The following KCNQ3 variants were observed in gnomAD, a reference collection of about 807,000 sequenced individuals.
KCNQ3 encodes the protein potassium voltage-gated channel subfamily KQT member 3.
KCNQ3 carries 30 observed loss-of-function variants against 92.5 expected under a neutral mutation model. The ratio of observed to expected loss-of-function variants is 0.32; its 90% confidence interval spans 0.24 to 0.44. The LOEUF (loss-of-function observed/expected upper bound fraction) is 0.44. Ranked by LOEUF, KCNQ3 falls within the 20% of genes least tolerant of loss-of-function variation. KCNQ3 has a pLI of 1.00. For synonymous variants in KCNQ3, 450 were observed against 468.8 expected (o/e 0.96, Z 0.52); for missense variants, 913 against 1,140.3 (o/e 0.80, Z 2.87).
chr8:132,218,922 G>A (rs1469844545), intron 1 of KCNQ3, among the ~76,000 whole-genome samples: 1 of 152,156 alleles, frequency 6.6e-6, no homozygotes, highest in African/African-American at 2.4e-5. Context: ...AGGGATGACT[G>A]TGCATGCTTT....
intron 1 of KCNQ3, among the ~76,000 whole-genome samples, chr8:132,429,132 C>T (rs1342263147): frequency 6.6e-6 from 1 of 152,180 alleles, no homozygotes; most frequent in African/African-American, 2.4e-5. Flanking sequence ...TGTTTTGATC[C>T]TCATAAGCAC....
intron 1 of KCNQ3, among the ~76,000 whole-genome samples, chr8:132,459,269 T>C (rs1017187016): frequency 6.6e-6 from 1 of 152,228 alleles, no homozygotes; most frequent in Non-Finnish European, 1.5e-5. Flanking sequence ...CCTGGTGTCT[T>C]AGTCCATTTA....
chr8:132,382,019 G>A (rs1819764996), intron 1 of KCNQ3, among the ~76,000 whole-genome samples: 1 of 152,250 alleles, frequency 6.6e-6, no homozygotes, highest in East Asian at 1.9e-4. Flanking sequence ...TAACCAGGCA[G>A]AGAGCTTGTC....
At chr8:132,315,078 T>C (rs749544534) in intron 1 of KCNQ3, among the ~76,000 whole-genome samples, 1 of 152,182 alleles carries the variant, frequency 6.6e-6, no homozygotes, top group Non-Finnish European at 1.5e-5. Flanking sequence ...TTTAAGCAGA[T>C]GAGTAGCATG....
Position 132,127,558 on chromosome 8 carries a change from G to A in KCNQ3, c.*1704C>T. On this transcript the variant is annotated 3_prime_UTR_variant, in exon 15 of 15. Coordinates refer to ENST00000388996, the MANE Select transcript of KCNQ3 (RefSeq NM_004519.4). ...ACCAAATGTCTGCCATAGCTACTGTGGCTCTTGACAAGACTGTGAGGGAGA... is the reference window on the plus strand; with the variant it reads ...ACCAAATGTCTGCCATAGCTACTGTAGCTCTTGACAAGACTGTGAGGGAGA... 6.6e-6 allele frequency: 1 copy of A among 152,208 alleles called. No individual in the cohort carries two copies. Among genetic ancestry groups the A allele is most frequent in the East Asian group, 1.9e-4 (1 of 5,196 alleles). 9.4% of individuals were successfully genotyped at this position (152,208 alleles called of 1,614,324 possible).
chr8:132,140,167 C>T lies in KCNQ3; in HGVS notation c.1477G>A (p.Gly493Ser). Residue 493 changes from glycine (G) to serine (S), a missense_variant, in exon 11 of 15, where the codon GGT (glycine) becomes AGT (serine). Physicochemically the swap from Gly to Ser is moderately conservative, Grantham distance 56. Around this residue, in one of 6 missense-constraint regions of KCNQ3, gnomAD observed 182 missense variants for 234.5 expected, o/e 0.78. Transcript: ENST00000388996. ...FWQSSEDAGT[G>S]DPMAEDRGYG... is the part of the protein sequence containing the mutation. ...CCCCTGTCTTCCGCCATGGGGTCAC[C>T]TGTCCCGGCATCTGGGAGGGAGACA... 2 of 1,613,296 alleles carry T rather than the reference C, an allele frequency of 1.2e-6. No homozygotes were observed. Among genetic ancestry groups the T allele is most frequent in the Non-Finnish European group, 1.7e-6 (2 of 1,179,692 alleles).
chr8:132,459,209 G>C (rs993705225), intron 1 of KCNQ3, among the ~76,000 whole-genome samples: 8 of 152,174 alleles, frequency 5.3e-5, no homozygotes, highest in Non-Finnish European at 2.9e-5. Flanking sequence ...ATCATGTCAA[G>C]GGTACATACT....
intron 5 of KCNQ3, among the ~76,000 whole-genome samples, chr8:132,174,883 C>G (rs927251345): frequency 6.6e-6 from 1 of 152,238 alleles, no homozygotes; most frequent in Admixed American, 6.5e-5. Context: ...TATCTGACTT[C>G]AAATCCCAGG....
rs1826716182 is a variant in KCNQ3, at chr8:132,180,322, A to G, written c.612T>C (p.Phe204=). ...ARKPLCMLDI[F]VLIASVPVVA... is the part of the protein sequence containing the mutation. The stretch of plus-strand genomic sequence containing the variant: ...CCACTGGCACAGAGGCAATCAGCAC[A>G]AAGATGTCTGGGAGAGAGGACAGAC... Residue 204 remains phenylalanine, a synonymous_variant, in exon 4 of 15, where the codon TTT becomes TTC. Coordinates refer to ENST00000388996, the MANE Select transcript of KCNQ3 (RefSeq NM_004519.4). 1.2e-6 allele frequency: 2 copies of G among 1,613,940 alleles called. No homozygotes were observed. The highest frequency in any genetic ancestry group is 2.7e-5 in the African/African-American group (2 of 74,946).
intron 1 of KCNQ3, among the ~76,000 whole-genome samples, chr8:132,357,007 TAACAAC>T (rs111426424): frequency 3.1e-4 from 46 of 150,450 alleles, no homozygotes; most frequent in South Asian, 1.3e-3. Context: ...ACTATTTTAT[TAACAAC>T]AACAACAACA....
chr8:132,432,869 AAGG>A lies in KCNQ3; in HGVS notation c.386+47275_386+47277del, dbSNP rs1821288948. On this transcript the variant is annotated intron_variant, in intron 1 of 14. Transcript: ENST00000388996. The stretch of plus-strand genomic sequence containing the variant: ...TGTGCCAGGCACAGGTCAAGAGCTG[AAGG>A]AGAATTTGGTGAACAAATGCCCCAG... Among the ~76,000 whole-genome samples, 4 of 152,356 alleles carry A rather than the reference AAGG, an allele frequency of 2.6e-5. No homozygotes were observed. The South Asian group carries it at 8.3e-4, about 32-fold the overall frequency.
chr8:132,296,581 T>C (rs1389803525), intron 1 of KCNQ3, among the ~76,000 whole-genome samples: 2 of 147,218 alleles, frequency 1.4e-5, no homozygotes, highest in African/African-American at 5.0e-5. Flanking sequence ...GATGTTCCCC[T>C]TCCTGTGTCC....
At chr8:132,399,992 G>A (rs565326643) in intron 1 of KCNQ3, among the ~76,000 whole-genome samples, 2 of 152,104 alleles carry the variant, frequency 1.3e-5, no homozygotes, top group African/African-American at 2.4e-5. Context: ...ACAACCTACC[G>A]GGTGCCCATG....
intron 9 of KCNQ3, among the ~76,000 whole-genome samples, chr8:132,161,434 G>A (rs1052706441): frequency 5.3e-5 from 8 of 152,116 alleles, no homozygotes; most frequent in Non-Finnish European, 1.0e-4. Flanking sequence ...TTTGAGACTA[G>A]CTTGGCCAAC....
intron 1 of KCNQ3, among the ~76,000 whole-genome samples, chr8:132,247,249 CTATTT>C (rs538902885): frequency 1.4e-4 from 21 of 152,266 alleles, no homozygotes; most frequent in African/African-American, 2.4e-4. Flanking sequence ...TTTCTCTTCT[CTATTT>C]TATTTTATCT....
chr8:132,356,864 C>T (rs1260894941), intron 1 of KCNQ3, among the ~76,000 whole-genome samples: 3 of 152,210 alleles, frequency 2.0e-5, no homozygotes, highest in African/African-American at 4.8e-5. Flanking sequence ...CAGAGAGTGA[C>T]GACTACATGA....
chr8:132,271,610 G>A (rs1816150050), intron 1 of KCNQ3, among the ~76,000 whole-genome samples: 2 of 152,026 alleles, frequency 1.3e-5, no homozygotes, highest in African/African-American at 4.8e-5. Flanking sequence ...ACCAGTTTGT[G>A]GCCTTATCAA....
At chr8:132,138,062 C>T (rs746706609) in intron 11 of KCNQ3, 46 bp from the exon 12 acceptor site, 25 of 1,596,218 alleles carry the variant, frequency 1.6e-5, no homozygotes, top group East Asian at 1.3e-4. Context: ...GTGGAGAGTG[C>T]GGGGAGCTAT....
chr8:132,326,144 T>G (rs1264760753), intron 1 of KCNQ3, among the ~76,000 whole-genome samples: 2 of 152,094 alleles, frequency 1.3e-5, no homozygotes. Flanking sequence ...GTGGTGAAGG[T>G]GATGCTGAGG....
Sources: gnomAD v4.1 joint callset for allele counts (sites outside exome capture counted in the v4.1 genomes callset) on GRCh38, gnomAD v4.1.1 for gene constraint, gnomAD v4.1.1 regional missense constraint, MANE v1.5 for transcripts, NCBI Gene and HGNC (gene_info 2026-07-23, HGNC 2026-07-21) for gene names.